Variants in TGFB2 observed in about 807,000 individuals in gnomAD.
The protein encoded by TGFB2 is transforming growth factor beta 2.
In TGFB2, 13 loss-of-function variants were observed where a neutral mutation model predicts 42.7. That is an observed-to-expected ratio of 0.30 (90% CI 0.20 to 0.48). TGFB2 has a LOEUF of 0.48. Ranked by LOEUF, TGFB2 falls within the 20% of genes least tolerant of loss-of-function variation. The pLI, the probability that TGFB2 is intolerant of heterozygous loss-of-function variation, is 0.99. For missense variants in TGFB2, 390 were observed against 517.5 expected (o/e 0.75, Z 2.39); for synonymous variants, 193 against 193.6 (o/e 1.00, Z 0.03).
At chr1:218,371,067 G>A (rs1247626784) in intron 1 of TGFB2, among the ~76,000 whole-genome samples, 3 of 152,176 alleles carry the variant, frequency 2.0e-5, no homozygotes, top group Non-Finnish European at 2.9e-5. Flanking sequence ...TGGAAGGCCC[G>A]GTGGGAGGAT....
rs2102634493 is a variant in TGFB2, at chr1:218,441,344, G to A, written c.1227G>A (p.Lys409=). ...KIEQLSNMIV[K]SCKCS ...AACAGCTTTCTAATATGATTGTAAA[G>A]TCTTGCAAATGCAGCTAAAATTCTT... Residue 409 remains lysine, a synonymous_variant, in exon 7 of 7, where the codon AAG becomes AAA. Coordinates refer to ENST00000366930, the MANE Select transcript of TGFB2 (RefSeq NM_003238.6). The A allele has an allele frequency of 1.9e-6, 3 of 1,603,206 alleles. No homozygotes were observed. Among genetic ancestry groups the A allele is most frequent in the Non-Finnish European group, 1.7e-6 (2 of 1,177,498 alleles).
Position 218,346,037 on chromosome 1 carries a change from G to C in TGFB2, c.-665G>C, listed in dbSNP as rs1401172605. 2.0e-5 allele frequency among the ~76,000 whole-genome samples: 3 copies of C among 147,996 alleles called. No individual in the cohort carries two copies. In the East Asian group the frequency reaches 6.0e-4, roughly 30 times the overall value. On this transcript the variant is annotated 5_prime_UTR_variant, in exon 1 of 7. Coordinates refer to ENST00000366930, the MANE Select transcript of TGFB2 (RefSeq NM_003238.6). The surrounding 1 kb of genome is among the most constrained non-coding windows in gnomAD (Gnocchi z 4.9). ...CTCCTCCCCGCGGTGCGCTGGGCTC[G>C]CCCCCAGCGCGCGCACACGCACACA...
chr1:218,426,654 G>C (rs979389541), intron 2 of TGFB2, among the ~76,000 whole-genome samples: 2 of 152,170 alleles, frequency 1.3e-5, no homozygotes, highest in African/African-American at 4.8e-5. Flanking sequence ...TTTAATACAT[G>C]AGAAGCCCCC....
chr1:218,408,990 C>T (rs566228813), intron 2 of TGFB2, among the ~76,000 whole-genome samples: 24 of 152,120 alleles, frequency 1.6e-4, no homozygotes, highest in Non-Finnish European at 2.4e-4. Flanking sequence ...AGACAGTGTC[C>T]GATCATCAGG....
At chr1:218,401,756 C>A (rs56019581) in intron 1 of TGFB2, among the ~76,000 whole-genome samples, 1 of 152,080 alleles carries the variant, frequency 6.6e-6, no homozygotes, top group Non-Finnish European at 1.5e-5. Flanking sequence ...CAAGACTAAG[C>A]GGGTGGATCA....
At chr1:218,385,239 G>A (rs1042310340) in intron 1 of TGFB2, among the ~76,000 whole-genome samples, 13 of 152,172 alleles carry the variant, frequency 8.5e-5, no homozygotes, top group Admixed American at 5.9e-4. Context: ...GTAAGCAAAT[G>A]CTTGGTGTTT....
rs34825461 is a variant in TGFB2, at chr1:218,369,256, GAAAAAAAAAAAAAAAAAAAAA to G, written c.346+22226_346+22246del. On this transcript the variant is annotated intron_variant, in intron 1 of 6. Transcript: ENST00000366930. ...GGCAACAAAGCAAGATTCCGTCTCAGAAAAAAAAAAAAAAAAAAAAAAAAAAAAAAAAAAAAATGGTATGTT... is the reference window on the plus strand; with the variant it reads ...GGCAACAAAGCAAGATTCCGTCTCAGAAAAAAAAAAAAAAAATGGTATGTT... Among the ~76,000 whole-genome samples the G allele has an allele frequency of 7.5e-3, 266 of 35,656 alleles. 4 individuals are homozygous for G. The highest frequency in any genetic ancestry group is 0.023 in the African/African-American group (250 of 10,688). The allele number at this position is 35,656 out of a possible 152,430, so 23.4% of individuals were successfully genotyped here. A position where few individuals can be genotyped will look rare whatever the true frequency, so the allele number is the denominator to read the frequency against.
chr1:218,434,223 C>A lies in TGFB2; in HGVS notation c.643+9C>A, dbSNP rs751565870. The A allele has an allele frequency of 1.2e-6, 2 of 1,613,208 alleles. No homozygotes were observed. The highest frequency in any genetic ancestry group is 8.5e-7 in the Non-Finnish European group (1 of 1,179,244). On this transcript the variant is annotated intron_variant, in intron 3 of 6. Transcript: ENST00000366930. ...ATGGCTTCACCATAAAGGTTACAAG[C>A]CACTCTCTCTTTTCCTCCCAAGATG...
chr1:218,440,667 C>T (rs562928698), intron 6 of TGFB2, among the ~76,000 whole-genome samples: 1 of 152,278 alleles, frequency 6.6e-6, no homozygotes, highest in South Asian at 2.1e-4. Context: ...GTATTCATTT[C>T]TTCACTTAGT....
At chr1:218,383,225 G>C (rs36100067) in intron 1 of TGFB2, among the ~76,000 whole-genome samples, 56 of 152,280 alleles carry the variant, frequency 3.7e-4, no homozygotes, top group Non-Finnish European at 6.5e-4. Flanking sequence ...GATGCAACCA[G>C]GGGTTTAATT....
chr1:218,432,726 C>T (rs151227388), intron 2 of TGFB2, among the ~76,000 whole-genome samples: 22 of 152,286 alleles, frequency 1.4e-4, no homozygotes, highest in Admixed American at 3.9e-4. Flanking sequence ...AAATTGAAGA[C>T]ATGATCCCTG....
chr1:218,440,525 C>G (rs1660118421), intron 6 of TGFB2, among the ~76,000 whole-genome samples: 2 of 152,190 alleles, frequency 1.3e-5, no homozygotes, highest in Admixed American at 6.5e-5. Flanking sequence ...GTTGGGATTA[C>G]AGGCGTGAGC....
chr1:218,375,906 C>G (rs987388147), intron 1 of TGFB2, among the ~76,000 whole-genome samples: 96 of 152,162 alleles, frequency 6.3e-4, no homozygotes, highest in African/African-American at 2.2e-3. Context: ...TGCATATGTA[C>G]CCCTGAACTT....
intron 1 of TGFB2, among the ~76,000 whole-genome samples, chr1:218,353,608 A>G (rs1475403622): frequency 1.3e-5 from 2 of 152,198 alleles, no homozygotes; most frequent in Non-Finnish European, 2.9e-5. Context: ...ACCTTTAAAA[A>G]TCCTTCTGCC....
At chr1:218,392,747 G>C (rs749709630) in intron 1 of TGFB2, among the ~76,000 whole-genome samples, 2 of 152,180 alleles carry the variant, frequency 1.3e-5, no homozygotes, top group Non-Finnish European at 2.9e-5. Context: ...AGCTGTCTTT[G>C]CTTTTTACTT....
chr1:218,362,740 A>G (rs1424859109), intron 1 of TGFB2, among the ~76,000 whole-genome samples: 3 of 152,150 alleles, frequency 2.0e-5, no homozygotes, highest in South Asian at 2.1e-4. Flanking sequence ...TGAAGTTCAA[A>G]TTTTCCAGAT....
chr1:218,404,409 G>T (rs917708376), intron 1 of TGFB2, among the ~76,000 whole-genome samples: 2 of 152,200 alleles, frequency 1.3e-5, no homozygotes, highest in African/African-American at 4.8e-5. Context: ...GACCCACTGT[G>T]CCCGTCCTTC....
intron 2 of TGFB2, chr1:218,405,650 T>C (rs1658888753): frequency 2.6e-6 from 1 of 382,596 alleles, no homozygotes; most frequent in Non-Finnish European, 5.0e-6. Flanking sequence ...ATTACAGACA[T>C]GAGCCACCAT....
chr1:218,363,306 T>G (rs544867704), intron 1 of TGFB2: 1 of 1,593,358 alleles, frequency 6.3e-7, no homozygotes, highest in South Asian at 1.1e-5. Context: ...GTAAAATAGC[T>G]AATGACTGTG....
Sources: allele counts gnomAD v4.1 joint callset (sites outside exome capture counted in the v4.1 genomes callset), GRCh38; gene constraint gnomAD v4.1.1; non-coding constraint Gnocchi (gnomAD v3.1); transcripts MANE v1.5; gene names NCBI Gene and HGNC (gene_info 2026-07-23, HGNC 2026-07-21).